DNAAF9: variants seen among roughly 807,000 people sequenced by gnomAD.
The protein encoded by DNAAF9 is dynein axonemal assembly factor 9, also known as shulin.
In DNAAF9, 90 loss-of-function variants were observed where a neutral mutation model predicts 167.0. The observed-to-expected ratio is 0.54, with a 90% CI of 0.45 to 0.64. The LOEUF is 0.64. DNAAF9 is among the 30% of genes least tolerant of loss of function. DNAAF9 has a pLI of 0.00. For missense variants in DNAAF9, 1,315 were observed against 1,442.2 expected, an observed-to-expected ratio of 0.91 and a Z score of 1.43; for synonymous variants, 491 against 508.8, an observed-to-expected ratio of 0.96 and a Z score of 0.47.
Position 3,277,747 on chromosome 20 carries a change from C to G in DNAAF9, c.2650+1165G>C, listed in dbSNP as rs1368982353. Among the ~76,000 whole-genome samples the G allele has an allele frequency of 3.3e-5, 5 of 152,242 alleles. No homozygotes were observed. The East Asian group carries it at 9.7e-4, about 29-fold the overall frequency. On this transcript the variant is annotated intron_variant, in intron 29 of 36. Transcript: ENST00000252032. ...TCCATTTCATCCTGTTTCTGAGGTG[C>G]AGTGCCTAGAAAGTAACAGGGACCT...
chr20:3,335,924 A>C (rs565952842), intron 10 of DNAAF9, among the ~76,000 whole-genome samples: 65 of 151,948 alleles, frequency 4.3e-4, no homozygotes, highest in Non-Finnish European at 6.8e-4. Context: ...GGAGTTCAAG[A>C]CCAGCCTGGC....
intron 27 of DNAAF9, among the ~76,000 whole-genome samples, chr20:3,282,813 C>T (rs1468735164): frequency 1.3e-5 from 2 of 152,154 alleles, no homozygotes; most frequent in African/African-American, 4.8e-5. Context: ...GGGTGGTTCT[C>T]TCTCCCTTCA....
rs577332212 is a variant in DNAAF9 at position 3,374,170 on chromosome 20, A to G, written c.506-16T>C. ...TGCAAGTGACCTAGAAGAATCAAAT[A>G]CAACAACACATATCAGATACCATCC... On this transcript the variant is annotated splice_polypyrimidine_tract_variant and intron_variant, in intron 5 of 36. Coordinates refer to ENST00000252032, the MANE Select transcript of DNAAF9 (RefSeq NM_001009984.3). 30 of 1,493,090 alleles carry G rather than the reference A, an allele frequency of 2.0e-5. No homozygotes were observed. The South Asian group carries it at 3.4e-4, about 17-fold the overall frequency. The allele number at this position is 1,493,090 out of a possible 1,614,324, so 92.5% of individuals were successfully genotyped here. A position where few individuals can be genotyped will look rare whatever the true frequency, so the allele number is the denominator to read the frequency against.
chr20:3,286,945 G>C (rs549402080), intron 27 of DNAAF9, among the ~76,000 whole-genome samples: 1 of 152,322 alleles, frequency 6.6e-6, no homozygotes, highest in African/African-American at 2.4e-5. Flanking sequence ...TCTGAGCCTG[G>C]AGTGGTGATG....
intron 20 of DNAAF9, among the ~76,000 whole-genome samples, chr20:3,307,706 T>C (rs1438506095): frequency 6.6e-6 from 1 of 151,998 alleles, no homozygotes; most frequent in Non-Finnish European, 1.5e-5. Context: ...TGCAGTTTGG[T>C]TGTCTTTGAT....
At chr20:3,344,925 T>C (rs2070164638) in intron 8 of DNAAF9, among the ~76,000 whole-genome samples, 1 of 152,316 alleles carries the variant, frequency 6.6e-6, no homozygotes, top group East Asian at 1.9e-4. Context: ...TTTAATGAAG[T>C]AGAATATTTT....
chr20:3,257,390 T>C (rs531524134), intron 33 of DNAAF9, among the ~76,000 whole-genome samples: 270 of 152,008 alleles, frequency 1.8e-3, no homozygotes, highest in Middle Eastern at 3.4e-3. Context: ...TTCACGCCTA[T>C]AGTCCCAGCT....
chr20:3,295,413 C>G, intron 23 of DNAAF9: 1 of 241,176 alleles, frequency 4.1e-6, no homozygotes, highest in Non-Finnish European at 8.0e-6. Context: ...CTCCTGACCT[C>G]AGGTGATCCA....
intron 25 of DNAAF9, among the ~76,000 whole-genome samples, chr20:3,292,490 G>C (rs2068977391): frequency 6.6e-6 from 1 of 152,140 alleles, no homozygotes; most frequent in African/African-American, 2.4e-5. Flanking sequence ...TTCTGGGCTG[G>C]GCGCGGTGGC....
In DNAAF9 at chr20:3,390,355, T is replaced by C. The variant is rs548006102; in HGVS notation, c.84-7849A>G. Among the ~76,000 whole-genome samples the C allele has an allele frequency of 5.3e-5, 8 of 151,888 alleles. No individual in the cohort carries two copies. In the East Asian group the frequency reaches 1.5e-3, roughly 29 times the overall value. On this transcript the variant is annotated intron_variant, in intron 1 of 36. Coordinates refer to ENST00000252032, the MANE Select transcript of DNAAF9 (RefSeq NM_001009984.3). ...ATCTGGTGGGTATAGCAAATATTCA[T>C]TGTACTATTCTCTCACTTTTTTTTT...
chr20:3,350,389 G>A (rs1240952847), intron 7 of DNAAF9, among the ~76,000 whole-genome samples: 1 of 151,606 alleles, frequency 6.6e-6, no homozygotes, highest in Non-Finnish European at 1.5e-5. Flanking sequence ...TATATATAAC[G>A]TAGGATAAAA....
At chr20:3,316,532 A>G (rs912924611) in intron 18 of DNAAF9, among the ~76,000 whole-genome samples, 191 bp downstream of exon 18, 1 of 152,148 alleles carries the variant, frequency 6.6e-6, no homozygotes, top group African/African-American at 2.4e-5. Context: ...CTTTTCTAAG[A>G]TTATGAGAGT....
intron 1 of DNAAF9, among the ~76,000 whole-genome samples, chr20:3,405,616 G>A (rs1180191136): frequency 6.6e-6 from 1 of 152,156 alleles, no homozygotes; most frequent in African/African-American, 2.4e-5. Flanking sequence ...TTTGGAGTTC[G>A]GGTATGATCA....
chr20:3,296,049 A>C, intron 23 of DNAAF9: 1 of 877,262 alleles, frequency 1.1e-6, no homozygotes, highest in Admixed American at 1.7e-5. Context: ...CCCTGGTAGT[A>C]ACCCTCATCT....
chr20:3,386,887 A>G (rs117032899), intron 1 of DNAAF9, among the ~76,000 whole-genome samples: 1,800 of 152,328 alleles, frequency 0.012, 20 homozygotes, highest in Non-Finnish European at 0.017. Flanking sequence ...CCATTATGGA[A>G]ATGCAAATTA....
chr20:3,260,601 G>A (rs186868571), intron 31 of DNAAF9, among the ~76,000 whole-genome samples: 6 of 151,938 alleles, frequency 3.9e-5, no homozygotes, highest in Middle Eastern at 3.4e-3. Flanking sequence ...TGGTACGGTG[G>A]GGGGCTCTTG....
chr20:3,374,181 T>G, intron 5 of DNAAF9, 27 bp from the exon 6 acceptor site: 4 of 1,423,246 alleles, frequency 2.8e-6, no homozygotes, highest in Non-Finnish European at 4.0e-6. Flanking sequence ...CAACAACACA[T>G]ATCAGATACC....
chr20:3,302,231 G>A (rs2069202270), intron 21 of DNAAF9, among the ~76,000 whole-genome samples: 1 of 152,040 alleles, frequency 6.6e-6, no homozygotes, highest in African/African-American at 2.4e-5. Context: ...GAGCCACTGT[G>A]CCTAGCCATA....
intron 17 of DNAAF9, among the ~76,000 whole-genome samples, chr20:3,317,004 CTT>C (rs1380741645): frequency 6.7e-6 from 1 of 148,888 alleles, no homozygotes; most frequent in Non-Finnish European, 1.5e-5. Flanking sequence ...AAGCAACTCT[CTT>C]GACTCATCCT....
Sources: gnomAD v4.1 joint callset for allele counts (sites outside exome capture counted in the v4.1 genomes callset) on GRCh38, gnomAD v4.1.1 for gene constraint, MANE v1.5 for transcripts, NCBI Gene and HGNC (gene_info 2026-07-23, HGNC 2026-07-21) for gene names.